The following UBE2E1 variants were observed in gnomAD, a reference collection of about 807,000 sequenced individuals.
UBE2E1 encodes ubiquitin-conjugating enzyme E2 E1.
A neutral mutation model predicts 21.4 loss-of-function variants in UBE2E1; 6 were observed. That is an observed-to-expected ratio of 0.28 (90% CI 0.15 to 0.55). The LOEUF is 0.55. Ranked by LOEUF, UBE2E1 falls within the 20% of genes least tolerant of loss-of-function variation. The pLI is 0.93. For missense variants in UBE2E1, 142 were observed against 236.5 expected (o/e 0.60, Z 2.62); for synonymous variants, 87 against 82.7 (o/e 1.05, Z -0.28).
intron 3 of UBE2E1, among the ~76,000 whole-genome samples, chr3:23,812,308 A>T (rs1575799167): frequency 6.6e-6 from 1 of 152,342 alleles, no homozygotes; most frequent in Admixed American, 6.5e-5. Context: ...AAAATTAAGT[A>T]TAACATTTAA....
In UBE2E1 at chr3:23,887,672, A is replaced by T; in HGVS notation, c.309A>T (p.Thr103=). The T allele has an allele frequency of 6.2e-7, 1 of 1,613,850 alleles. No homozygotes were observed. The highest frequency in any genetic ancestry group is 8.5e-7 in the Non-Finnish European group (1 of 1,179,974). Reference sequence around the variant, plus strand: ...TATTCTTTCTCGATATCACTTTTACACCAGAATATCCCTTCAAGCCTCCAA... The same window carrying T: ...TATTCTTTCTCGATATCACTTTTACTCCAGAATATCCCTTCAAGCCTCCAA... ...GGVFFLDITF[T]PEYPFKPPKV... The change falls in exon 4 of 6, where the codon ACA becomes ACT. Residue 103 remains threonine (T), a synonymous_variant. Transcript: ENST00000306627. The surrounding 1 kb of genome is among the most constrained non-coding windows in gnomAD (Gnocchi z 4.4).
rs1232232920 is a variant in UBE2E1, at chr3:23,842,291, G to C, written c.203+30781G>C. The stretch of plus-strand genomic sequence containing the variant: ...CGACAGGGTCTCAATTCGTCGCCTA[G>C]GCTGGGATGCAGTGGTGCAGTCACG... On this transcript the variant is annotated intron_variant, in intron 3 of 5. Coordinates refer to ENST00000306627, the MANE Select transcript of UBE2E1 (RefSeq NM_003341.5). This position sits in a 1 kb window ranked among gnomAD's most constrained non-coding sequence, Gnocchi z 4.6. Among the ~76,000 whole-genome samples the C allele has an allele frequency of 6.8e-6, 1 of 146,578 alleles. No individual in the cohort carries two copies. Among genetic ancestry groups the C allele is most frequent in the African/African-American group, 2.5e-5 (1 of 39,808 alleles).
At chr3:23,828,376 T>C (rs915453747) in intron 3 of UBE2E1, among the ~76,000 whole-genome samples, 3 of 152,206 alleles carry the variant, frequency 2.0e-5, no homozygotes, top group African/African-American at 7.2e-5. Context: ...AAATGTAATA[T>C]AACATTTTAA....
rs551022515 is a variant in UBE2E1, at chr3:23,863,821, C to T, written c.204-23746C>T. Among the ~76,000 whole-genome samples, 90 of 152,276 alleles carry T rather than the reference C, an allele frequency of 5.9e-4. 1 individual carries two copies. The highest frequency in any genetic ancestry group is 2.1e-4 in the Non-Finnish European group (14 of 68,032). ...CTGGGATTACAGGCGTGAACCACCG[C>T]GCCCAGCCTGAATTTTATCTTTTTT... On this transcript the variant is annotated intron_variant, in intron 3 of 5. Transcript: ENST00000306627. The surrounding 1 kb of genome is among the most constrained non-coding windows in gnomAD (Gnocchi z 4.3).
intron 3 of UBE2E1, among the ~76,000 whole-genome samples, chr3:23,818,305 A>G (rs1263215046): frequency 1.3e-5 from 2 of 152,232 alleles, no homozygotes; most frequent in African/African-American, 2.4e-5. Context: ...AAATATTTGC[A>G]GTTTGACTAT....
At chr3:23,835,918 G>A (rs1699966438) in intron 3 of UBE2E1, among the ~76,000 whole-genome samples, 1 of 152,302 alleles carries the variant, frequency 6.6e-6, no homozygotes, top group East Asian at 1.9e-4. Flanking sequence ...TAGGAAAGGG[G>A]GAGGCAGGGA....
At chr3:23,888,736 G>A (rs896598254) in intron 4 of UBE2E1, among the ~76,000 whole-genome samples, 1 of 152,182 alleles carries the variant, frequency 6.6e-6, no homozygotes, top group Non-Finnish European at 1.5e-5. Flanking sequence ...TTGCACTTCA[G>A]TTTTTAAGAG....
At chr3:23,843,234 A>G (rs1700131648) in intron 3 of UBE2E1, among the ~76,000 whole-genome samples, 1 of 152,284 alleles carries the variant, frequency 6.6e-6, no homozygotes, top group Non-Finnish European at 1.5e-5. Flanking sequence ...ACCTGGACTT[A>G]GTTTGTATAA....
intron 3 of UBE2E1, among the ~76,000 whole-genome samples, chr3:23,848,481 AAC>A (rs1178616014): frequency 6.6e-6 from 1 of 152,008 alleles, no homozygotes; most frequent in Non-Finnish European, 1.5e-5. Flanking sequence ...AAAAAAAAAA[AAC>A]AAAAAACAAA....
At chr3:23,880,064 T>C (rs954886757) in intron 3 of UBE2E1, among the ~76,000 whole-genome samples, 1 of 152,020 alleles carries the variant, frequency 6.6e-6, no homozygotes, top group Admixed American at 6.6e-5. Context: ...CTATGCAACC[T>C]GGTGAGAGCC....
rs1700604606 is a variant in UBE2E1 at position 23,863,979 on chromosome 3, A to T, written c.204-23588A>T. Among the ~76,000 whole-genome samples, 1 of 152,166 alleles carries T rather than the reference A, an allele frequency of 6.6e-6. No homozygotes were observed. The highest frequency in any genetic ancestry group is 1.5e-5 in the Non-Finnish European group (1 of 68,042). On this transcript the variant is annotated intron_variant, in intron 3 of 5. Coordinates refer to ENST00000306627, the MANE Select transcript of UBE2E1 (RefSeq NM_003341.5). The surrounding 1 kb of genome is among the most constrained non-coding windows in gnomAD (Gnocchi z 4.3). Reference sequence around the variant, plus strand: ...GAATTCTCTTTACTATTCTACATAGAAGTTTTGTTTCCTTTATCTTTTTCT... The same window carrying T: ...GAATTCTCTTTACTATTCTACATAGTAGTTTTGTTTCCTTTATCTTTTTCT...
intron 3 of UBE2E1, among the ~76,000 whole-genome samples, chr3:23,879,902 G>A (rs768710403): frequency 1.3e-5 from 2 of 152,188 alleles, no homozygotes; most frequent in Non-Finnish European, 2.9e-5. Context: ...CAAGGGTCCT[G>A]TCTCCCAATA....
rs1025406919 is a variant in UBE2E1, at chr3:23,806,652, G to GGGGCCTC, written c.-34+573_-33-570dup. Among the ~76,000 whole-genome samples, 1 of 151,444 alleles carries GGGGCCTC rather than the reference G, an allele frequency of 6.6e-6. No individual in the cohort carries two copies. The highest frequency in any genetic ancestry group is 1.5e-5 in the Non-Finnish European group (1 of 67,714). On this transcript the variant is annotated intron_variant, in intron 1 of 5. Coordinates refer to ENST00000306627, the MANE Select transcript of UBE2E1 (RefSeq NM_003341.5). This position sits in a 1 kb window ranked among gnomAD's most constrained non-coding sequence, Gnocchi z 6.5. ...GAGGGGCGTCGGGGCGCGGCGCGGG[G>GGGGCCTC]GGGCCTCGGGCCTCGTCGCCCCTGC... is the stretch of plus-strand genomic sequence containing the variant.
At position 23,863,805 on chromosome 3, in the gene UBE2E1, CA is replaced by C. The variant is rs1341143057; in HGVS notation, c.204-23761del. On this transcript the variant is annotated intron_variant, in intron 3 of 5. Transcript: ENST00000306627. This position sits in a 1 kb window ranked among gnomAD's most constrained non-coding sequence, Gnocchi z 4.3. ...TCAGCCTCCCAAAGTGCTGGGATTA[CA>C]GGCGTGAACCACCGCGCCCAGCCTG... Among the ~76,000 whole-genome samples, 1 of 152,160 alleles carries C rather than the reference CA, an allele frequency of 6.6e-6. No individual in the cohort carries two copies. The highest frequency in any genetic ancestry group is 2.4e-5 in the African/African-American group (1 of 41,422).
intron 3 of UBE2E1, among the ~76,000 whole-genome samples, chr3:23,847,615 C>T (rs1700235456): frequency 6.6e-6 from 1 of 151,598 alleles, no homozygotes; most frequent in African/African-American, 2.4e-5. Context: ...TTGCCTCAGC[C>T]TCCCGAGTAG....
In UBE2E1 at chr3:23,855,604, C is replaced by T. The variant is rs558026788; in HGVS notation, c.204-31963C>T. On this transcript the variant is annotated intron_variant, in intron 3 of 5. Coordinates refer to ENST00000306627, the MANE Select transcript of UBE2E1 (RefSeq NM_003341.5). ...CAGCACTTTGGGAGGCCGAGGTGGGCGGATCACGAGGTCAGGAGATCGAGA... is the reference window on the plus strand; with the variant it reads ...CAGCACTTTGGGAGGCCGAGGTGGGTGGATCACGAGGTCAGGAGATCGAGA... 9.2e-5 allele frequency among the ~76,000 whole-genome samples: 14 copies of T among 152,060 alleles called. No individual in the cohort carries two copies. The South Asian group carries it at 1.0e-3, about 11-fold the overall frequency.
intron 3 of UBE2E1, among the ~76,000 whole-genome samples, chr3:23,851,106 G>A (rs1469434864): frequency 2.0e-5 from 3 of 151,924 alleles, no homozygotes; most frequent in Non-Finnish European, 2.9e-5. Flanking sequence ...TTTTTTGTTT[G>A]TGGCTATTCT....
chr3:23,882,675 T>C (rs1701077960), intron 3 of UBE2E1, among the ~76,000 whole-genome samples: 3 of 151,976 alleles, frequency 2.0e-5, no homozygotes, highest in Admixed American at 2.0e-4. Context: ...TCTCAAGCCC[T>C]GCCCCACGGG....
chr3:23,820,634 C>T (rs547786726), intron 3 of UBE2E1, among the ~76,000 whole-genome samples: 1 of 152,230 alleles, frequency 6.6e-6, no homozygotes, highest in African/African-American at 2.4e-5. Flanking sequence ...CATGCTGACC[C>T]AAATATGACA....
Sources: allele counts gnomAD v4.1 joint callset (sites outside exome capture counted in the v4.1 genomes callset), GRCh38; gene constraint gnomAD v4.1.1; non-coding constraint Gnocchi (gnomAD v3.1); transcripts MANE v1.5; gene names NCBI Gene and HGNC (gene_info 2026-07-23, HGNC 2026-07-21).